The following TMEM132C variants were observed in gnomAD, a reference collection of about 807,000 sequenced individuals.
TMEM132C encodes the protein protein phosphatase 1, regulatory subunit 152.
TMEM132C carries 29 observed loss-of-function variants against 61.4 expected under a neutral mutation model. The observed-to-expected ratio is 0.47, with a 90% confidence interval of 0.35 to 0.64. The LOEUF is 0.64. TMEM132C is among the 30% of genes least tolerant of loss of function. The pLI, the probability that TMEM132C is intolerant of heterozygous loss-of-function variation, is 0.00. For missense variants in TMEM132C, 1,408 were observed against 1,476.9 expected (o/e 0.95, Z 0.76); for synonymous variants, 656 against 633.1 (o/e 1.04, Z -0.54).
chr12:128,661,705 G>A (rs1390058533), intron 4 of TMEM132C, among the ~76,000 whole-genome samples: 1 of 152,192 alleles, frequency 6.6e-6, no homozygotes, highest in African/African-American at 2.4e-5. Flanking sequence ...AATTTAGTCA[G>A]TTTTGAGACA....
At chr12:128,546,351 G>C (rs911876865) in intron 3 of TMEM132C, among the ~76,000 whole-genome samples, 2 of 152,210 alleles carry the variant, frequency 1.3e-5, no homozygotes, top group African/African-American at 4.8e-5. Context: ...GAAAGCGAAT[G>C]TGTTCATTAG....
chr12:128,408,244 A>T (rs1868383643), intron 1 of TMEM132C, among the ~76,000 whole-genome samples: 1 of 152,238 alleles, frequency 6.6e-6, no homozygotes, highest in African/African-American at 2.4e-5. Context: ...TATAGAAAAT[A>T]AACTCAGCAT....
chr12:128,319,616 AG>A (rs1341643644), intron 1 of TMEM132C, among the ~76,000 whole-genome samples: 7 of 152,088 alleles, frequency 4.6e-5, no homozygotes, highest in Non-Finnish European at 1.0e-4. Context: ...TCACAGGGTT[AG>A]GAGTTCGAGA....
At chr12:128,275,547 T>C (rs953420561) in intron 1 of TMEM132C, among the ~76,000 whole-genome samples, 1 of 152,048 alleles carries the variant, frequency 6.6e-6, no homozygotes, top group African/African-American at 2.4e-5. Context: ...TAGTACAGTG[T>C]AATAATAATA....
chr12:128,574,938 G>A (rs1011145337), intron 3 of TMEM132C, among the ~76,000 whole-genome samples: 2 of 152,058 alleles, frequency 1.3e-5, no homozygotes, highest in African/African-American at 4.8e-5. Flanking sequence ...CCTTTTCTAG[G>A]GGTCAGTAGG....
At chr12:128,661,880 C>T (rs1162974990) in intron 4 of TMEM132C, among the ~76,000 whole-genome samples, 2 of 152,124 alleles carry the variant, frequency 1.3e-5, no homozygotes. Context: ...GTAAAACGTG[C>T]TTTTGTATAA....
chr12:128,592,877 G>A (rs1167522078), intron 3 of TMEM132C, among the ~76,000 whole-genome samples: 1 of 152,188 alleles, frequency 6.6e-6, no homozygotes, highest in Non-Finnish European at 1.5e-5. Flanking sequence ...GCTGCCTTTG[G>A]GATCCTAGGG....
At chr12:128,660,542 G>A (rs906889688) in intron 4 of TMEM132C, among the ~76,000 whole-genome samples, 1 of 152,188 alleles carries the variant, frequency 6.6e-6, no homozygotes, top group Non-Finnish European at 1.5e-5. Flanking sequence ...TGTAAGGCAG[G>A]CTAATTCCTG....
chr12:128,660,410 C>A (rs1266923798), intron 4 of TMEM132C, among the ~76,000 whole-genome samples: 1 of 152,166 alleles, frequency 6.6e-6, no homozygotes, highest in Non-Finnish European at 1.5e-5. Flanking sequence ...TGGGCACAAC[C>A]ACTGGGAGTT....
intron 3 of TMEM132C, among the ~76,000 whole-genome samples, chr12:128,585,240 C>T (rs569132937): frequency 6.6e-6 from 1 of 152,356 alleles, no homozygotes; most frequent in East Asian, 1.9e-4. Flanking sequence ...CTAATGCCAT[C>T]TCTGGATAGT....
chr12:128,673,256 T>G (rs1593143775), intron 5 of TMEM132C, among the ~76,000 whole-genome samples: 1 of 152,188 alleles, frequency 6.6e-6, no homozygotes, highest in Admixed American at 6.5e-5. Context: ...AGTACTCTTA[T>G]AAGAAGAGGA....
At position 128,298,046 on chromosome 12, in the gene TMEM132C, T is replaced by C. The variant is rs1360006969; in HGVS notation, c.85+30559T>C. Among the ~76,000 whole-genome samples, 4 of 152,254 alleles carry C rather than the reference T, an allele frequency of 2.6e-5. No homozygotes were observed. The East Asian group carries it at 5.8e-4, about 22-fold the overall frequency. The stretch of plus-strand genomic sequence containing the variant: ...CTGTGGGGTAATCTCACCCCGCCTT[T>C]AGCTATGAATGTAGCTTTAAAGGTT... On this transcript the variant is annotated intron_variant, in intron 1 of 8. Transcript: ENST00000435159.
At chr12:128,387,676 G>C (rs2135996694) in intron 1 of TMEM132C, among the ~76,000 whole-genome samples, 1 of 152,262 alleles carries the variant, frequency 6.6e-6, no homozygotes, top group African/African-American at 2.4e-5. Flanking sequence ...TGGGCATGGT[G>C]GTGGGGGCCT....
intron 4 of TMEM132C, among the ~76,000 whole-genome samples, chr12:128,652,915 G>A (rs1019804891): frequency 6.6e-6 from 1 of 152,170 alleles, no homozygotes; most frequent in Non-Finnish European, 1.5e-5. Context: ...CTGTCATAAT[G>A]CACTCCTAGG....
At chr12:128,635,629 A>C (rs558947813) in intron 4 of TMEM132C, among the ~76,000 whole-genome samples, 7 of 152,292 alleles carry the variant, frequency 4.6e-5, no homozygotes, top group Non-Finnish European at 8.8e-5. Flanking sequence ...CAGGTTACAC[A>C]TGAGCCCCTG....
intron 5 of TMEM132C, among the ~76,000 whole-genome samples, chr12:128,672,397 A>G (rs895272817): frequency 1.3e-5 from 2 of 152,222 alleles, no homozygotes; most frequent in Non-Finnish European, 2.9e-5. Context: ...TTCAGCCTAC[A>G]AAAACCAAGA....
At chr12:128,403,692 G>A (rs1272599133) in intron 1 of TMEM132C, among the ~76,000 whole-genome samples, 1 of 142,082 alleles carries the variant, frequency 7.0e-6, no homozygotes, top group East Asian at 2.2e-4. Context: ...AGAGTTTAAG[G>A]TATTTTCCAA....
At chr12:128,665,601 TCA>T (rs1311791510) in intron 4 of TMEM132C, among the ~76,000 whole-genome samples, 1 of 75,878 alleles carries the variant, frequency 1.3e-5, no homozygotes, top group East Asian at 3.9e-4. Flanking sequence ...ACACAGGCAC[TCA>T]CACATACCCA....
chr12:128,511,260 T>C (rs1565957929), intron 2 of TMEM132C, among the ~76,000 whole-genome samples: 1 of 152,192 alleles, frequency 6.6e-6, no homozygotes, highest in East Asian at 1.9e-4. Context: ...CCAGCAGGTA[T>C]TTTCAGGCAC....
Sources: gnomAD v4.1 joint callset for allele counts (sites outside exome capture counted in the v4.1 genomes callset) on GRCh38, gnomAD v4.1.1 for gene constraint, MANE v1.5 for transcripts, NCBI Gene and HGNC (gene_info 2026-07-23, HGNC 2026-07-21) for gene names.